GNB1: variants seen among roughly 807,000 people sequenced by gnomAD.
The protein encoded by GNB1 is guanine nucleotide-binding protein G(I)/G(S)/G(T) subunit beta-1.
Under a neutral mutation model 42.9 loss-of-function variants are expected in GNB1, and 2 were observed. The observed-to-expected ratio is 0.05, with a 90% CI of 0.02 to 0.15. GNB1 has a LOEUF of 0.15. Among genes scored for constraint, GNB1 ranks in the 10% least tolerant of loss-of-function variants. The probability of loss-of-function intolerance (pLI) is 1.00; values close to 1 mark genes in which losing one functional copy is unlikely to be tolerated. For synonymous variants in GNB1, 183 were observed against 174.7 expected (o/e 1.05, Z -0.38); for missense variants, 193 against 462.2 (o/e 0.42, Z 5.34).
intron 1 of GNB1, among the ~76,000 whole-genome samples, chr1:1,878,763 C>A (rs1426427630): frequency 6.6e-6 from 1 of 152,146 alleles, no homozygotes; most frequent in Non-Finnish European, 1.5e-5. Flanking sequence ...ATGGGCGCTG[C>A]CCTCTCAGTA....
chr1:1,860,852 G>A (rs1648583187), intron 1 of GNB1, among the ~76,000 whole-genome samples: 1 of 151,960 alleles, frequency 6.6e-6, no homozygotes, highest in East Asian at 1.9e-4. Flanking sequence ...ATCAAAAATG[G>A]GAACTGACAC....
intron 5 of GNB1, among the ~76,000 whole-genome samples, chr1:1,807,622 G>A (rs1412487086): frequency 1.3e-5 from 2 of 151,940 alleles, no homozygotes; most frequent in East Asian, 1.9e-4. Flanking sequence ...CAAAGGAGGC[G>A]TTCCCTCCTC....
At chr1:1,823,647 A>C (rs1646961737) in intron 3 of GNB1, among the ~76,000 whole-genome samples, 1 of 152,212 alleles carries the variant, frequency 6.6e-6, no homozygotes, top group Admixed American at 6.5e-5. Context: ...TTAAGATTTA[A>C]AATTCTTACA....
At chr1:1,845,779 C>T (rs1206563675) in intron 1 of GNB1, among the ~76,000 whole-genome samples, 1 of 146,434 alleles carries the variant, frequency 6.8e-6, no homozygotes, top group African/African-American at 2.5e-5. Context: ...AATGGAAATT[C>T]TCTATACATT....
chr1:1,812,407 T>TAA (rs1553195490), intron 5 of GNB1, among the ~76,000 whole-genome samples: 1 of 146,224 alleles, frequency 6.8e-6, no homozygotes, highest in Non-Finnish European at 1.5e-5. Flanking sequence ...CACACATACA[T>TAA]ACACACACAC....
chr1:1,865,950 T>TA (rs200019388), intron 1 of GNB1, among the ~76,000 whole-genome samples: 68 of 151,718 alleles, frequency 4.5e-4, no homozygotes, highest in African/African-American at 1.2e-3. Flanking sequence ...TTTATTTATT[T>TA]TTTTTTTTTT....
chr1:1,878,434 C>G (rs1275064025), intron 1 of GNB1, among the ~76,000 whole-genome samples: 2 of 152,168 alleles, frequency 1.3e-5, no homozygotes, highest in African/African-American at 4.8e-5. Flanking sequence ...CAAGCACAGC[C>G]CTGACTTGGG....
At chr1:1,832,231 C>T (rs1193157065) in intron 2 of GNB1, 1 of 152,002 alleles carries the variant, frequency 6.6e-6, no homozygotes, top group Non-Finnish European at 1.5e-5. Context: ...GTCTTACTCA[C>T]ATTTAATTGC....
At chr1:1,883,304 A>G (rs1426263623) in intron 1 of GNB1, among the ~76,000 whole-genome samples, 3 of 151,992 alleles carry the variant, frequency 2.0e-5, no homozygotes, top group African/African-American at 7.2e-5. Flanking sequence ...AGAAAAAGAA[A>G]AAAAAACCTT....
At chr1:1,795,724 G>A (rs1646537572) in intron 7 of GNB1, among the ~76,000 whole-genome samples, 1 of 150,168 alleles carries the variant, frequency 6.7e-6, no homozygotes, top group South Asian at 2.1e-4. Context: ...GTGCACTCCA[G>A]CCTGGGCAAC....
At position 1,790,400 on chromosome 1, in the gene GNB1, T is replaced by G; in HGVS notation, c.694A>C (p.Ile232Leu). ...ACACCTCCACCCAGACTCACGCAAA[T>G]GGCATTGATGTCAGACTCGTGGCCA... is the stretch of plus-strand genomic sequence containing the variant. ...FTGHESDINA[I>L]CFFPNGNAFA... Residue 232 changes from isoleucine to leucine, a missense_variant, in exon 9 of 12, where the codon ATT (isoleucine) becomes CTT (leucine). Ile to Leu is a conservative substitution (Grantham distance 5). Around this residue, in one of 2 missense-constraint regions of GNB1, gnomAD observed 150 missense variants for 410.8 expected, o/e 0.37. Transcript: ENST00000378609. This position sits in a 1 kb window ranked among gnomAD's most constrained non-coding sequence, Gnocchi z 5.4. The G allele has an allele frequency of 1.2e-6, 2 of 1,610,854 alleles. No individual in the cohort carries two copies. The highest frequency in any genetic ancestry group is 1.7e-6 in the Non-Finnish European group (2 of 1,177,160).
chr1:1,822,778 T>C (rs1457321846), intron 3 of GNB1, among the ~76,000 whole-genome samples: 2 of 152,148 alleles, frequency 1.3e-5, no homozygotes, highest in Non-Finnish European at 2.9e-5. Flanking sequence ...TTGGCCTTAA[T>C]TTTTTAAATT....
chr1:1,842,724 G>C (rs972960898), intron 1 of GNB1, among the ~76,000 whole-genome samples: 1 of 152,188 alleles, frequency 6.6e-6, no homozygotes, highest in Non-Finnish European at 1.5e-5. Flanking sequence ...GACGGTGGTT[G>C]CAACACATTG....
At chr1:1,793,517 A>G in intron 7 of GNB1, 1 of 441,436 alleles carries the variant, frequency 2.3e-6, no homozygotes, top group Non-Finnish European at 4.2e-6. Context: ...CAGGCAGGAC[A>G]GCACGTCCCA....
At chr1:1,859,342 C>T (rs1648482490) in intron 1 of GNB1, among the ~76,000 whole-genome samples, 1 of 150,088 alleles carries the variant, frequency 6.7e-6, no homozygotes, top group African/African-American at 2.4e-5. Flanking sequence ...TTTCAAATGG[C>T]TACCCTAACT....
chr1:1,864,416 A>G (rs542115989), intron 1 of GNB1, among the ~76,000 whole-genome samples: 1 of 151,542 alleles, frequency 6.6e-6, no homozygotes, highest in Non-Finnish European at 1.5e-5. Flanking sequence ...CTTCTGGCTC[A>G]TAGCATAGGG....
chr1:1,789,569 G>A (rs894468120), intron 9 of GNB1, among the ~76,000 whole-genome samples: 1 of 152,146 alleles, frequency 6.6e-6, no homozygotes, highest in Non-Finnish European at 1.5e-5. Context: ...GCGTGCGCCT[G>A]TAATCCCAGC....
rs931465099 is a variant in GNB1 at position 1,805,148 on chromosome 1, C to T, written c.268-567G>A. 5.8e-5 allele frequency among the ~76,000 whole-genome samples: 8 copies of T among 137,160 alleles called. No homozygotes were observed. In the East Asian group the frequency reaches 1.1e-3, roughly 20 times the overall value. The allele number at this position is 137,160 out of a possible 152,430, so 90.0% of individuals were successfully genotyped here. A position where few individuals can be genotyped will look rare whatever the true frequency, so the allele number is the denominator to read the frequency against. On this transcript the variant is annotated intron_variant, in intron 6 of 11. Coordinates refer to ENST00000378609, the MANE Select transcript of GNB1 (RefSeq NM_002074.5). ...CTGCACTCCAGCCTGGGCAACAGAG[C>T]GAGACTCCGTCTCAAAAGAAAACAA... is the stretch of plus-strand genomic sequence containing the variant.
chr1:1,796,876 C>T (rs1646553959), intron 7 of GNB1, among the ~76,000 whole-genome samples: 1 of 152,092 alleles, frequency 6.6e-6, no homozygotes, highest in Non-Finnish European at 1.5e-5. Flanking sequence ...TGTTAAAGTC[C>T]AGGAGAGAGG....
Sources: allele counts gnomAD v4.1 joint callset (sites outside exome capture counted in the v4.1 genomes callset), GRCh38; gene constraint gnomAD v4.1.1; regional missense constraint gnomAD v4.1.1; non-coding constraint Gnocchi (gnomAD v3.1); transcripts MANE v1.5; gene names NCBI Gene and HGNC (gene_info 2026-07-23, HGNC 2026-07-21).